GRIK2: variants seen among roughly 807,000 people sequenced by gnomAD.
The protein encoded by GRIK2 is glutamate receptor ionotropic, kainate 2.
Under a neutral mutation model 100.3 loss-of-function variants are expected in GRIK2, and 32 were observed. The ratio of observed to expected loss-of-function variants is 0.32; its 90% CI spans 0.24 to 0.43. The LOEUF is 0.43. Ranked by LOEUF, GRIK2 falls within the 20% of genes least tolerant of loss-of-function variation. The probability of loss-of-function intolerance (pLI) is 1.00; values close to 1 mark genes in which losing one functional copy is unlikely to be tolerated. For missense variants in GRIK2, 843 were observed against 1,114.9 expected (o/e 0.76, Z 3.47); for synonymous variants, 417 against 389.4 (o/e 1.07, Z -0.83).
intron 14 of GRIK2, among the ~76,000 whole-genome samples, chr6:101,948,412 T>G (rs544239754): frequency 7.3e-5 from 11 of 150,044 alleles, no homozygotes; most frequent in Non-Finnish European, 1.5e-4. Flanking sequence ...TAACCATCAG[T>G]GCCATTTTAA....
intron 3 of GRIK2, among the ~76,000 whole-genome samples, 191 bp downstream of exon 3, chr6:101,622,307 T>A (rs1780203262): frequency 6.6e-6 from 1 of 152,164 alleles, no homozygotes; most frequent in Non-Finnish European, 1.5e-5. Context: ...AAAAATCTGC[T>A]TATAACATGA....
At chr6:101,688,904 T>A (rs1352881001) in intron 7 of GRIK2, among the ~76,000 whole-genome samples, 1 of 151,950 alleles carries the variant, frequency 6.6e-6, no homozygotes, top group Non-Finnish European at 1.5e-5. Flanking sequence ...TCATATAACA[T>A]TGTACCAAAA....
chr6:102,028,414 A>T (rs1339554255), intron 14 of GRIK2, among the ~76,000 whole-genome samples: 1 of 151,308 alleles, frequency 6.6e-6, no homozygotes, highest in Admixed American at 6.6e-5. Flanking sequence ...AAGCCTCGGC[A>T]TTTTTATAAA....
intron 2 of GRIK2, among the ~76,000 whole-genome samples, chr6:101,497,018 T>G (rs1773481090): frequency 6.6e-6 from 1 of 152,196 alleles, no homozygotes; most frequent in Admixed American, 6.6e-5. Flanking sequence ...TAATTCACCC[T>G]GTCTCCTCTA....
In GRIK2 at chr6:101,514,385, G is replaced by C. The variant is rs375212939; in HGVS notation, c.116-107564G>C. On this transcript the variant is annotated intron_variant, in intron 2 of 16. Transcript: ENST00000369134. Reference sequence around the variant, plus strand: ...AGCAGATAGTTTAATAGCCAAGAAGGAAGAAGAAAGCAGAAGGAAGAGGCT... The same window carrying C: ...AGCAGATAGTTTAATAGCCAAGAAGCAAGAAGAAAGCAGAAGGAAGAGGCT... Among the ~76,000 whole-genome samples, 45 of 152,148 alleles carry C rather than the reference G, an allele frequency of 3.0e-4. No individual in the cohort carries two copies. In the East Asian group the frequency reaches 3.5e-3, roughly 12 times the overall value.
intron 2 of GRIK2, among the ~76,000 whole-genome samples, chr6:101,591,510 G>A (rs1479825867): frequency 2.6e-5 from 4 of 151,726 alleles, no homozygotes; most frequent in Middle Eastern, 3.4e-3. Flanking sequence ...CTTCTTTATG[G>A]GGAAGTTATT....
intron 2 of GRIK2, among the ~76,000 whole-genome samples, chr6:101,619,523 A>G (rs1200119993): frequency 1.3e-5 from 2 of 152,018 alleles, no homozygotes; most frequent in African/African-American, 4.8e-5. Context: ...TATTGATCCA[A>G]TATTATAAAA....
intron 2 of GRIK2, among the ~76,000 whole-genome samples, chr6:101,560,323 A>C (rs1193018404): frequency 6.6e-6 from 1 of 152,148 alleles, no homozygotes; most frequent in Non-Finnish European, 1.5e-5. Flanking sequence ...TTATAAATTA[A>C]CCAATTAATG....
chr6:101,626,412 A>G lies in GRIK2; in HGVS notation c.316A>G (p.Ile106Val). ...CDQLSLGVAA[I>V]FGPSHSSSAN... The stretch of plus-strand genomic sequence containing the variant: ...TCAGCTGTCTCTTGGGGTGGCTGCC[A>G]TCTTCGGGCCTTCACACAGCTCATC... The change falls in exon 4 of 17, where the codon ATC becomes GTC. Residue 106 changes from isoleucine to valine, a missense_variant. Coordinates refer to ENST00000369134, the MANE Select transcript of GRIK2 (RefSeq NM_021956.5). 1 of 1,613,272 alleles carries G rather than the reference A, an allele frequency of 6.2e-7. No individual in the cohort carries two copies. Among genetic ancestry groups the G allele is most frequent in the Non-Finnish European group, 8.5e-7 (1 of 1,179,824 alleles).
intron 14 of GRIK2, among the ~76,000 whole-genome samples, chr6:101,958,016 T>C (rs1182276129): frequency 6.6e-6 from 1 of 152,082 alleles, no homozygotes; most frequent in Non-Finnish European, 1.5e-5. Context: ...GGCTATATTT[T>C]GGTTTCATAT....
At chr6:101,554,047 C>T (rs1776628834) in intron 2 of GRIK2, among the ~76,000 whole-genome samples, 2 of 152,186 alleles carry the variant, frequency 1.3e-5, no homozygotes, top group Admixed American at 6.5e-5. Context: ...CTAACACATG[C>T]TTCTATATGT....
chr6:101,989,822 G>A lies in GRIK2; in HGVS notation c.2086-45519G>A, dbSNP rs571928422. On this transcript the variant is annotated intron_variant, in intron 14 of 16. Transcript: ENST00000369134. ...CCTCATTGATATGCAATAAATATTA[G>A]TTTCTCTATTTCCTTTGTGGAAACC... Among the ~76,000 whole-genome samples, 4 of 151,336 alleles carry A rather than the reference G, an allele frequency of 2.6e-5. No homozygotes were observed. In the East Asian group the frequency reaches 7.8e-4, roughly 30 times the overall value.
intron 4 of GRIK2, among the ~76,000 whole-genome samples, chr6:101,673,580 C>G (rs1770597088): frequency 6.6e-6 from 1 of 152,132 alleles, no homozygotes; most frequent in Non-Finnish European, 1.5e-5. Context: ...ACTTCCATGA[C>G]AGTATATAAA....
At chr6:101,908,698 G>A (rs1042681403) in intron 12 of GRIK2, among the ~76,000 whole-genome samples, 2 of 151,118 alleles carry the variant, frequency 1.3e-5, no homozygotes, top group Non-Finnish European at 3.0e-5. Context: ...TTTGCAAAGT[G>A]TAATATGTTT....
intron 2 of GRIK2, among the ~76,000 whole-genome samples, chr6:101,576,085 ATAT>A (rs1250959556): frequency 1.3e-5 from 2 of 152,066 alleles, no homozygotes; most frequent in African/African-American, 2.4e-5. Context: ...ATGATATATG[ATAT>A]TATGATAGGA....
At chr6:101,587,672 G>A (rs187074470) in intron 2 of GRIK2, among the ~76,000 whole-genome samples, 24 of 152,210 alleles carry the variant, frequency 1.6e-4, no homozygotes, top group Non-Finnish European at 1.3e-4. Flanking sequence ...TTGAACAACA[G>A]GTATTAGAAA....
intron 7 of GRIK2, among the ~76,000 whole-genome samples, chr6:101,737,569 T>A (rs1775726540): frequency 6.6e-6 from 1 of 152,146 alleles, no homozygotes; most frequent in Admixed American, 6.5e-5. Flanking sequence ...CTCGCCCCAA[T>A]GATTTGATGA....
chr6:101,671,957 A>T (rs887142334), intron 4 of GRIK2, among the ~76,000 whole-genome samples: 1 of 152,138 alleles, frequency 6.6e-6, no homozygotes, highest in African/African-American at 2.4e-5. Context: ...CCACTTCGAG[A>T]GCTGCTGATC....
At chr6:101,604,164 C>A (rs1329152559) in intron 2 of GRIK2, among the ~76,000 whole-genome samples, 1 of 151,206 alleles carries the variant, frequency 6.6e-6, no homozygotes, top group African/African-American at 2.4e-5. Flanking sequence ...ACAAATTATC[C>A]CAGAAAATTA....
Sources: gnomAD v4.1 joint callset for allele counts (sites outside exome capture counted in the v4.1 genomes callset) on GRCh38, gnomAD v4.1.1 for gene constraint, MANE v1.5 for transcripts, NCBI Gene and HGNC (gene_info 2026-07-23, HGNC 2026-07-21) for gene names.